SGSM2: variants seen among roughly 807,000 people sequenced by gnomAD.
The protein encoded by SGSM2 is RUN and TBC1 domain containing 1.
In SGSM2, 89 loss-of-function variants were observed where a neutral mutation model predicts 126.6. The ratio of observed to expected loss-of-function variants is 0.70; its 90% CI spans 0.59 to 0.84. The LOEUF is 0.84. Among genes scored for constraint, SGSM2 ranks in the 40% least tolerant of loss-of-function variants. The pLI, the probability that SGSM2 is intolerant of heterozygous loss-of-function variation, is 0.00. For missense variants in SGSM2, 1,404 were observed against 1,416.6 expected, an observed-to-expected ratio of 0.99 and a Z score of 0.14; for synonymous variants, 614 against 574.3, an observed-to-expected ratio of 1.07 and a Z score of -0.99.
intron 11 of SGSM2, among the ~76,000 whole-genome samples, chr17:2,366,269 C>CT (rs968227563): frequency 2.6e-5 from 4 of 152,168 alleles, no homozygotes; most frequent in African/African-American, 9.7e-5. Context: ...GTCTCTCTGT[C>CT]TATGTGCATC....
At chr17:2,371,606 T>C (rs750160332) in intron 13 of SGSM2, 191 bp downstream of exon 13, 4 of 640,790 alleles carry the variant, frequency 6.2e-6, no homozygotes, top group Non-Finnish European at 1.0e-5. Context: ...TCTACGTTTC[T>C]GAACCTCAGT....
At chr17:2,378,131 G>A (rs904591835) in intron 22 of SGSM2, among the ~76,000 whole-genome samples, 178 bp downstream of exon 22, 3 of 152,182 alleles carry the variant, frequency 2.0e-5, no homozygotes, top group African/African-American at 2.4e-5. Flanking sequence ...CTGGGCCTAT[G>A]GGTTCTTAAA....
chr17:2,338,065 T>TGC (rs1567791277), intron 1 of SGSM2, among the ~76,000 whole-genome samples: 1 of 151,458 alleles, frequency 6.6e-6, no homozygotes, highest in Non-Finnish European at 1.5e-5. Flanking sequence ...GATCCGGAGC[T>TGC]GCCCATTCAG....
Position 2,372,126 on chromosome 17 carries a change from T to TTCTC in SGSM2, c.1578-57_1578-54dup. The TTCTC allele has an allele frequency of 6.3e-7, 1 of 1,584,116 alleles. No individual in the cohort carries two copies. Among genetic ancestry groups the TTCTC allele is most frequent in the Middle Eastern group, 1.7e-4 (1 of 5,872 alleles). ...GCCCCCCAGGACAGAGCCTCCTCCC[T>TTCTC]TCTCTCTCTCCTCCCACCAGAGGGG... On this transcript the variant is annotated intron_variant, in intron 13 of 23. Coordinates refer to ENST00000268989, the MANE Select transcript of SGSM2 (RefSeq NM_014853.3). The surrounding 1 kb of genome is among the most constrained non-coding windows in gnomAD (Gnocchi z 6.0).
chr17:2,341,443 T>A (rs985288643), intron 1 of SGSM2, among the ~76,000 whole-genome samples: 1 of 152,236 alleles, frequency 6.6e-6, no homozygotes, highest in Admixed American at 6.5e-5. Context: ...CCCTTTTACC[T>A]GAGCACTAAC....
At chr17:2,365,742 AC>A (rs1413839455) in intron 11 of SGSM2, among the ~76,000 whole-genome samples, 1 of 139,644 alleles carries the variant, frequency 7.2e-6, no homozygotes, top group East Asian at 2.0e-4. Context: ...GACCAGCGCT[AC>A]TTTTTTTTTT....
intron 2 of SGSM2, among the ~76,000 whole-genome samples, chr17:2,346,659 G>T (rs750208078): frequency 6.6e-6 from 1 of 152,080 alleles, no homozygotes; most frequent in African/African-American, 2.4e-5. Flanking sequence ...GGAAGTTTTC[G>T]CTGGCAAACC....
In SGSM2 at chr17:2,377,852, A is replaced by C; in HGVS notation, c.2803-5A>C. The C allele has an allele frequency of 6.3e-7, 1 of 1,597,816 alleles. No homozygotes were observed. The highest frequency in any genetic ancestry group is 8.6e-7 in the Non-Finnish European group (1 of 1,165,662). ...AGCCTCTCTCCCTTTTCCCACCCAC[A>C]TAAGATCCTGGACTCAGAGCTGTTT... On this transcript the variant is annotated splice_region_variant and splice_polypyrimidine_tract_variant and intron_variant, in intron 21 of 23. Coordinates refer to ENST00000268989, the MANE Select transcript of SGSM2 (RefSeq NM_014853.3).
rs1413543526 is a variant in SGSM2, at chr17:2,362,967, C to A, written c.527-22C>A. On this transcript the variant is annotated intron_variant, in intron 5 of 23. Transcript: ENST00000268989. This position sits in a 1 kb window ranked among gnomAD's most constrained non-coding sequence, Gnocchi z 4.9. ...AGGTGCTGAGGGAGCATCGTCTGGG[C>A]TGGCTGTCTCTGTCTCCACAGTGGG... 2 of 1,614,056 alleles carry A rather than the reference C, an allele frequency of 1.2e-6. No homozygotes were observed. The highest frequency in any genetic ancestry group is 2.2e-5 in the South Asian group (2 of 91,086).
intron 2 of SGSM2, among the ~76,000 whole-genome samples, 187 bp downstream of exon 2, chr17:2,343,807 G>T (rs1334871871): frequency 6.6e-6 from 1 of 152,178 alleles, no homozygotes; most frequent in Non-Finnish European, 1.5e-5. Flanking sequence ...TTCTTCAGGG[G>T]TCAAGAATCT....
At position 2,367,468 on chromosome 17, in the gene SGSM2, C is replaced by A; in HGVS notation, c.1423+63C>A. 4 of 1,569,146 alleles carry A rather than the reference C, an allele frequency of 2.5e-6. No individual in the cohort carries two copies. The highest frequency in any genetic ancestry group is 3.5e-6 in the Non-Finnish European group (4 of 1,152,768). Reference sequence around the variant, plus strand: ...CACCCTCCCTCCCGGGCCCGCCTGCCACCCACCACAGGGGTTCGAACGGCA... The same window carrying A: ...CACCCTCCCTCCCGGGCCCGCCTGCAACCCACCACAGGGGTTCGAACGGCA... On this transcript the variant is annotated intron_variant, in intron 12 of 23. Transcript: ENST00000268989. This position sits in a 1 kb window ranked among gnomAD's most constrained non-coding sequence, Gnocchi z 4.0.
Position 2,367,361 on chromosome 17 carries a change from C to T in SGSM2, c.1379C>T (p.Ser460Leu). 6.2e-7 allele frequency: 1 copy of T among 1,614,198 alleles called. No homozygotes were observed. Among genetic ancestry groups the T allele is most frequent in the East Asian group, 2.2e-5 (1 of 44,882 alleles). The change falls in exon 12 of 24, where the codon TCA (serine) becomes TTA (leucine). Residue 460 changes from serine to leucine, a missense_variant. By Grantham distance (145) the Ser-to-Leu change is moderately radical (BLOSUM62 -2). Transcript: ENST00000268989. This position sits in a 1 kb window ranked among gnomAD's most constrained non-coding sequence, Gnocchi z 4.0. ...EEEDKLHAML[S>L]MICSRNLTAP... ...GAGGATAAACTGCACGCGATGCTCT[C>T]AATGATCTGCTCGCGGAACCTCACA...
At position 2,375,820 on chromosome 17, in the gene SGSM2, C is replaced by T; in HGVS notation, c.2429C>T (p.Ala810Val). 6 of 1,552,976 alleles carry T rather than the reference C, an allele frequency of 3.9e-6. No individual in the cohort carries two copies. Among genetic ancestry groups the T allele is most frequent in the Non-Finnish European group, 5.2e-6 (6 of 1,151,166 alleles). The change falls in exon 18 of 24, where the codon GCC becomes GTC. Residue 810 changes from alanine to valine, a missense_variant. Transcript: ENST00000268989. ...PQDPSQEKPQ[A>V]GELEAGEELA... is the part of the protein sequence containing the mutation. Reference sequence around the variant, plus strand: ...GATCCCAGCCAGGAGAAGCCTCAGGCCGGAGAACTGGAGGCCGGAGAGGAG... The same window carrying T: ...GATCCCAGCCAGGAGAAGCCTCAGGTCGGAGAACTGGAGGCCGGAGAGGAG...
intron 12 of SGSM2, among the ~76,000 whole-genome samples, chr17:2,370,840 G>T (rs2065834494): frequency 6.6e-6 from 1 of 152,240 alleles, no homozygotes; most frequent in Non-Finnish European, 1.5e-5. Flanking sequence ...ACCTCCTTGA[G>T]CATCTCAGAG....
In SGSM2 at chr17:2,363,530, T is replaced by C. The variant is rs753290369; in HGVS notation, c.738T>C (p.Cys246=). 1.2e-6 allele frequency: 2 copies of C among 1,613,518 alleles called. No individual in the cohort carries two copies. Among genetic ancestry groups the C allele is most frequent in the South Asian group, 2.2e-5 (2 of 91,078 alleles). Residue 246 remains cysteine, a synonymous_variant, in exon 7 of 24, where the codon TGT becomes TGC. Coordinates refer to ENST00000268989, the MANE Select transcript of SGSM2 (RefSeq NM_014853.3). This position sits in a 1 kb window ranked among gnomAD's most constrained non-coding sequence, Gnocchi z 4.2. The part of the protein sequence containing the change: ...EDRLAACARE[C]VESLHQNSRT... ...GGCTGGCTGCCTGTGCCCGCGAGTG[T>C]GTGGAGTCCCTGCACCAGAACTCAC...
At position 2,363,144 on chromosome 17, in the gene SGSM2, C is replaced by T. The variant is rs1251814582; in HGVS notation, c.672+10C>T. On this transcript the variant is annotated intron_variant, in intron 6 of 23. Transcript: ENST00000268989. This position sits in a 1 kb window ranked among gnomAD's most constrained non-coding sequence, Gnocchi z 4.2. The stretch of plus-strand genomic sequence containing the variant: ...GCGCCCAGCCCTGGGGGTAGGTGCC[C>T]CCTCCCCACCCTTTGGGCTCATCTG... 4 of 1,585,414 alleles carry T rather than the reference C, an allele frequency of 2.5e-6. No individual in the cohort carries two copies. Among genetic ancestry groups the T allele is most frequent in the Non-Finnish European group, 3.4e-6 (4 of 1,168,508 alleles).
chr17:2,376,307 C>A, intron 19 of SGSM2, 46 bp downstream of exon 19: 1 of 1,610,778 alleles, frequency 6.2e-7, no homozygotes, highest in Non-Finnish European at 8.5e-7. Flanking sequence ...GACCCTGCCG[C>A]CAGTTACTCT....
chr17:2,380,199 TAC>T lies in SGSM2; in HGVS notation c.*681_*682del, dbSNP rs2066353607. 3 of 1,534,312 alleles carry T rather than the reference TAC, an allele frequency of 2.0e-6. No individual in the cohort carries two copies. In the South Asian group the frequency reaches 3.6e-5, roughly 18 times the overall value. Reference sequence around the variant, plus strand: ...TGACCCCCAGGCCTCCCCGGCCTTGTACAGTGTACCTCTGTGTATCTGTACAG... The same window carrying T: ...TGACCCCCAGGCCTCCCCGGCCTTGTAGTGTACCTCTGTGTATCTGTACAG... On this transcript the variant is annotated 3_prime_UTR_variant, in exon 24 of 24. Coordinates refer to ENST00000268989, the MANE Select transcript of SGSM2 (RefSeq NM_014853.3).
At position 2,367,013 on chromosome 17, in the gene SGSM2, T is replaced by C. The variant is rs2065620183; in HGVS notation, c.1289-258T>C. 2 of 461,978 alleles carry C rather than the reference T, an allele frequency of 4.3e-6. No individual in the cohort carries two copies. The highest frequency in any genetic ancestry group is 7.9e-6 in the Non-Finnish European group (2 of 254,190). The allele number at this position is 461,978 out of a possible 1,614,324, so 28.6% of individuals were successfully genotyped here. ...CCGGTCTTTCACATCCTCCCACCTC[T>C]GTTCTCTCTCTTCTGTTCTTCCTAG... On this transcript the variant is annotated intron_variant, in intron 11 of 23. Transcript: ENST00000268989. The surrounding 1 kb of genome is among the most constrained non-coding windows in gnomAD (Gnocchi z 4.0).
Sources: gnomAD v4.1 joint callset for allele counts (sites outside exome capture counted in the v4.1 genomes callset) on GRCh38, gnomAD v4.1.1 for gene constraint, Gnocchi (gnomAD v3.1) non-coding constraint, MANE v1.5 for transcripts, NCBI Gene and HGNC (gene_info 2026-07-23, HGNC 2026-07-21) for gene names.